The following DLC1 variants were observed in gnomAD, a reference collection of about 807,000 sequenced individuals.
DLC1 encodes the protein rho GTPase-activating protein 7.
A neutral mutation model predicts 140.3 loss-of-function variants in DLC1; 54 were observed. The observed-to-expected ratio is 0.38, with a 90% CI of 0.31 to 0.48. The LOEUF is 0.48. Among genes scored for constraint, DLC1 ranks in the 20% least tolerant of loss-of-function variants. The pLI, the probability that DLC1 is intolerant of heterozygous loss-of-function variation, is 0.96. For missense variants in DLC1, 2,536 were observed against 1,907.0 expected, an observed-to-expected ratio of 1.33 and a Z score of -6.14; for synonymous variants, 986 against 728.1, an observed-to-expected ratio of 1.35 and a Z score of -5.70.
intron 1 of DLC1, among the ~76,000 whole-genome samples, chr8:13,588,973 C>G (rs959181749): frequency 6.6e-6 from 1 of 152,092 alleles, no homozygotes; most frequent in South Asian, 2.1e-4. Context: ...AGATTGCCCT[C>G]ACATTCCTAT....
chr8:13,340,582 A>T (rs925857342), intron 4 of DLC1: 1 of 152,234 alleles, frequency 6.6e-6, no homozygotes, highest in African/African-American at 2.4e-5. Context: ...AAACAAAAAC[A>T]AACTATTTTT....
At position 13,401,596 on chromosome 8, in the gene DLC1, C is replaced by T; in HGVS notation, c.1047G>A (p.Arg349=). Residue 349 remains arginine (R), a synonymous_variant, in exon 3 of 18, where the codon AGG becomes AGA. Coordinates refer to ENST00000276297, the MANE Select transcript of DLC1 (RefSeq NM_182643.3). ...GCAGCACCATGGAGTCCAGCCGCGC[C>T]CTATCTCGATCTTCTCTTATTTCCT... ...KRKEIREDRD[R]ARLDSMVLLI... 1 of 1,613,536 alleles carries T rather than the reference C, an allele frequency of 6.2e-7. No individual in the cohort carries two copies. The highest frequency in any genetic ancestry group is 8.5e-7 in the Non-Finnish European group (1 of 1,179,822).
At chr8:13,328,215 T>C (rs1049193008) in intron 4 of DLC1, among the ~76,000 whole-genome samples, 11 of 152,110 alleles carry the variant, frequency 7.2e-5, no homozygotes, top group Admixed American at 5.2e-4. Flanking sequence ...GTGGCTCCTA[T>C]GAGGAGGATA....
chr8:13,293,174 G>A (rs1831827145), intron 5 of DLC1, among the ~76,000 whole-genome samples: 5 of 152,248 alleles, frequency 3.3e-5, no homozygotes, highest in Admixed American at 2.0e-4. Context: ...AGGCTGCCAT[G>A]AGACATGATT....
At chr8:13,527,827 G>A (rs1022249062) in intron 1 of DLC1, among the ~76,000 whole-genome samples, 1 of 152,150 alleles carries the variant, frequency 6.6e-6, no homozygotes, top group Non-Finnish European at 1.5e-5. Context: ...TTTCTTTAGA[G>A]AATCCTTAGC....
intron 2 of DLC1, among the ~76,000 whole-genome samples, chr8:13,419,404 A>G (rs1762102260): frequency 6.6e-6 from 1 of 152,138 alleles, no homozygotes; most frequent in African/African-American, 2.4e-5. Context: ...TACCTAATTT[A>G]TTGAGAGTTT....
intron 4 of DLC1, among the ~76,000 whole-genome samples, chr8:13,370,653 G>C (rs1404005260): frequency 6.6e-6 from 1 of 152,134 alleles, no homozygotes; most frequent in African/African-American, 2.4e-5. Context: ...CTGAAATCAG[G>C]GCTCAGCTAA....
At chr8:13,567,469 G>C (rs1804487658) in intron 1 of DLC1, 4 of 1,551,962 alleles carry the variant, frequency 2.6e-6, no homozygotes, top group African/African-American at 2.7e-5. Flanking sequence ...AGAGGCTTCA[G>C]AGAGAGATGC....
intron 1 of DLC1, among the ~76,000 whole-genome samples, chr8:13,604,195 C>G (rs1805974357): frequency 6.6e-6 from 1 of 152,056 alleles, no homozygotes; most frequent in East Asian, 1.9e-4. Context: ...AATATTTTCA[C>G]TTTGAACTAT....
intron 17 of DLC1, 36 bp downstream of exon 17, chr8:13,086,254 C>A (rs1372206987): frequency 6.3e-6 from 10 of 1,598,868 alleles, no homozygotes; most frequent in Admixed American, 1.7e-5. Context: ...TCCTTCATGA[C>A]CCTCACCATA....
At chr8:13,457,189 T>C (rs1322440123) in intron 2 of DLC1, among the ~76,000 whole-genome samples, 1 of 152,104 alleles carries the variant, frequency 6.6e-6, no homozygotes, top group East Asian at 1.9e-4. Flanking sequence ...TCACAATGAG[T>C]GTTTGACAAA....
chr8:13,184,119 TTC>T (rs1826205561), intron 5 of DLC1, among the ~76,000 whole-genome samples: 1 of 152,262 alleles, frequency 6.6e-6, no homozygotes, highest in Non-Finnish European at 1.5e-5. Flanking sequence ...GTTAATAGTA[TTC>T]TCTGATGGTA....
intron 7 of DLC1, among the ~76,000 whole-genome samples, chr8:13,108,052 TA>T (rs550958674): frequency 6.6e-6 from 1 of 151,678 alleles, no homozygotes; most frequent in Non-Finnish European, 1.5e-5. Context: ...CTCAAAAAAA[TA>T]AAAAAATAAA....
intron 2 of DLC1, among the ~76,000 whole-genome samples, chr8:13,468,972 C>T (rs907035418): frequency 9.2e-5 from 14 of 151,950 alleles, no homozygotes; most frequent in African/African-American, 3.4e-4. Flanking sequence ...AGGCATGCGC[C>T]ATCACGCTCA....
intron 2 of DLC1, among the ~76,000 whole-genome samples, chr8:13,496,813 TTTTTTGAG>T (rs1801534474): frequency 6.4e-5 from 1 of 15,504 alleles, no homozygotes; most frequent in Admixed American, 5.7e-4. Flanking sequence ...TTTTTTTTTT[TTTTTTGAG>T]ATGGAGTTTC....
intron 5 of DLC1, among the ~76,000 whole-genome samples, chr8:13,283,308 A>G (rs892564002): frequency 6.6e-6 from 1 of 151,624 alleles, no homozygotes; most frequent in Non-Finnish European, 1.5e-5. Flanking sequence ...ACACACACAC[A>G]CACACACACA....
chr8:13,092,955 C>T (rs1368731731), intron 12 of DLC1, 130 bp from the exon 13 acceptor site: 1 of 987,366 alleles, frequency 1.0e-6, no homozygotes, highest in African/African-American at 1.6e-5. Context: ...AGAAAGTGCA[C>T]TAGAGGTTAA....
At chr8:13,364,302 T>C (rs1351831759) in intron 4 of DLC1, among the ~76,000 whole-genome samples, 1 of 35,040 alleles carries the variant, frequency 2.9e-5, no homozygotes, top group Non-Finnish European at 9.7e-5. Flanking sequence ...TAATGAAACT[T>C]TTTTTTTTTT....
At position 13,092,754 on chromosome 8, in the gene DLC1, C is replaced by T. The variant is rs1041682649; in HGVS notation, c.3598G>A (p.Val1200Ile). The stretch of plus-strand genomic sequence containing the variant: ...AGGAAATAAAGCAGGGTCTGCAGAA[C>T]CTCCCGGTTCTCGTCAGGCAGCAGC... ...IMLLPDENRE[V>I]LQTLLYFLSD... The change falls in exon 13 of 18, where the codon GTT becomes ATT. Residue 1200 changes from valine (V) to isoleucine (I), a missense_variant. Transcript: ENST00000276297. 2 of 1,614,142 alleles carry T rather than the reference C, an allele frequency of 1.2e-6. No individual in the cohort carries two copies. The highest frequency in any genetic ancestry group is 1.7e-6 in the Non-Finnish European group (2 of 1,180,016).
Sources: allele counts gnomAD v4.1 joint callset (sites outside exome capture counted in the v4.1 genomes callset), GRCh38; gene constraint gnomAD v4.1.1; transcripts MANE v1.5; gene names NCBI Gene and HGNC (gene_info 2026-07-23, HGNC 2026-07-21).